WWOX: variants seen among roughly 807,000 people sequenced by gnomAD.
WWOX encodes WW domain-containing oxidoreductase.
WWOX carries 69 observed loss-of-function variants against 46.2 expected under a neutral mutation model. That is an observed-to-expected ratio of 1.49 (90% CI 1.23 to 1.82). The LOEUF is 1.82. Ranked by LOEUF, WWOX falls within the 40% of genes most tolerant of loss-of-function variation. The pLI is 0.00. For missense variants in WWOX, 919 were observed against 542.6 expected, an observed-to-expected ratio of 1.69 and a Z score of -6.89; for synonymous variants, 359 against 202.6, an observed-to-expected ratio of 1.77 and a Z score of -6.56.
intron 5 of WWOX, among the ~76,000 whole-genome samples, chr16:78,272,683 G>A (rs1368197488): frequency 2.0e-5 from 3 of 152,124 alleles, no homozygotes. Flanking sequence ...CAAGCACCTT[G>A]GATAGGCAAT....
intron 8 of WWOX, among the ~76,000 whole-genome samples, chr16:79,116,248 A>G (rs1036285662): frequency 6.6e-6 from 1 of 152,216 alleles, no homozygotes; most frequent in Non-Finnish European, 1.5e-5. Context: ...TCTTAAAATA[A>G]GACAAGGATA....
At chr16:79,176,639 C>G (rs558303867) in intron 8 of WWOX, among the ~76,000 whole-genome samples, 3 of 152,132 alleles carry the variant, frequency 2.0e-5, no homozygotes, top group African/African-American at 7.2e-5. Flanking sequence ...TGTCATTAAA[C>G]TTTGAATCTA....
chr16:79,208,035 C>G (rs1271694575), intron 8 of WWOX, among the ~76,000 whole-genome samples: 1 of 152,176 alleles, frequency 6.6e-6, no homozygotes, highest in Non-Finnish European at 1.5e-5. Flanking sequence ...TCCCACCTTT[C>G]TGTAGTTGAA....
At chr16:79,068,770 C>T (rs1337101485) in intron 8 of WWOX, among the ~76,000 whole-genome samples, 1 of 151,078 alleles carries the variant, frequency 6.6e-6, no homozygotes, top group African/African-American at 2.4e-5. Flanking sequence ...ATGACCTCAC[C>T]ACTGCCCTGC....
At chr16:78,753,167 G>T (rs1008523211) in intron 8 of WWOX, among the ~76,000 whole-genome samples, 1 of 152,122 alleles carries the variant, frequency 6.6e-6, no homozygotes, top group Non-Finnish European at 1.5e-5. Context: ...GGGCGTGGGG[G>T]CAGGCGCCTG....
chr16:78,116,083 T>C (rs753321795), intron 4 of WWOX, among the ~76,000 whole-genome samples: 4 of 152,224 alleles, frequency 2.6e-5, no homozygotes, highest in Non-Finnish European at 4.4e-5. Context: ...GGATGCAATG[T>C]GAAATAGTCA....
chr16:78,428,220 C>T (rs1264522079), intron 7 of WWOX, among the ~76,000 whole-genome samples: 1 of 152,208 alleles, frequency 6.6e-6, no homozygotes, highest in East Asian at 1.9e-4. Context: ...TCTATTAAGA[C>T]ATAATTGTTT....
chr16:78,700,715 T>A (rs915778102), intron 8 of WWOX, among the ~76,000 whole-genome samples: 3 of 152,164 alleles, frequency 2.0e-5, no homozygotes, highest in African/African-American at 7.2e-5. Context: ...GGCCACCTCA[T>A]AGTCTTGTTG....
chr16:78,945,070 C>T (rs2045923526), intron 8 of WWOX, among the ~76,000 whole-genome samples: 1 of 151,988 alleles, frequency 6.6e-6, no homozygotes, highest in Non-Finnish European at 1.5e-5. Context: ...GTCGCAGGTA[C>T]TTGGGAGGCT....
chr16:78,907,213 C>T (rs938609539), intron 8 of WWOX, among the ~76,000 whole-genome samples: 1 of 152,008 alleles, frequency 6.6e-6, no homozygotes. Context: ...AACCCTTGTG[C>T]CCTGAATCCG....
intron 8 of WWOX, among the ~76,000 whole-genome samples, chr16:78,610,354 T>G (rs1356790374): frequency 1.3e-5 from 2 of 152,186 alleles, no homozygotes; most frequent in East Asian, 3.9e-4. Context: ...TCATTACTAT[T>G]CATGTGTAAG....
chr16:78,781,910 A>C (rs2050336021), intron 8 of WWOX, among the ~76,000 whole-genome samples: 1 of 152,236 alleles, frequency 6.6e-6, no homozygotes, highest in South Asian at 2.1e-4. Context: ...AGGTCTTTAC[A>C]TGTAAAAACA....
intron 8 of WWOX, among the ~76,000 whole-genome samples, chr16:78,994,688 T>TG (rs1208162095): frequency 1.3e-5 from 2 of 151,770 alleles, no homozygotes; most frequent in Non-Finnish European, 2.9e-5. Flanking sequence ...TAATAGACAG[T>TG]GGGGGGTGGA....
intron 8 of WWOX, among the ~76,000 whole-genome samples, chr16:78,478,111 G>A (rs2084395702): frequency 6.6e-6 from 1 of 151,320 alleles, no homozygotes; most frequent in Non-Finnish European, 1.5e-5. Context: ...AATGTTTGTA[G>A]TATAGCACAG....
intron 8 of WWOX, among the ~76,000 whole-genome samples, chr16:79,061,944 C>T (rs1326136858): frequency 6.6e-6 from 1 of 152,208 alleles, no homozygotes; most frequent in Non-Finnish European, 1.5e-5. Context: ...GAAAGTGGGA[C>T]TTCAGACGCT....
At position 78,342,576 on chromosome 16, in the gene WWOX, G is replaced by A. The variant is rs1392924965; in HGVS notation, c.517-44284G>A. ...TGTGAGAAGCACATGGGTGTTGGGA[G>A]AGCACTAAAGGTCTCTAGCCCAGAA... On this transcript the variant is annotated intron_variant, in intron 5 of 8. Transcript: ENST00000566780. Among the ~76,000 whole-genome samples, 2 of 120,426 alleles carry A rather than the reference G, an allele frequency of 1.7e-5. 1 individual carries two copies. The highest frequency in any genetic ancestry group is 4.0e-5 in the Non-Finnish European group (2 of 50,486). The allele number at this position is 120,426 out of a possible 152,430, so 79.0% of individuals were successfully genotyped here.
intron 6 of WWOX, among the ~76,000 whole-genome samples, chr16:78,405,632 A>G (rs1382713122): frequency 1.3e-5 from 2 of 152,216 alleles, no homozygotes; most frequent in Non-Finnish European, 2.9e-5. Context: ...TGTGTTTTTT[A>G]TCTCTCAATG....
intron 8 of WWOX, among the ~76,000 whole-genome samples, chr16:78,494,446 A>G (rs891293786): frequency 4.0e-5 from 6 of 151,062 alleles, no homozygotes; most frequent in East Asian, 4.0e-4. Context: ...TTCCTTTTGC[A>G]TTTTGGATGG....
At chr16:78,609,522 T>A (rs879603329) in intron 8 of WWOX, among the ~76,000 whole-genome samples, 1 of 152,042 alleles carries the variant, frequency 6.6e-6, no homozygotes. Context: ...TCTGAGGTTT[T>A]TTTTTTTCTT....
Sources: allele counts gnomAD v4.1 joint callset (sites outside exome capture counted in the v4.1 genomes callset), GRCh38; gene constraint gnomAD v4.1.1; transcripts MANE v1.5; gene names NCBI Gene and HGNC (gene_info 2026-07-23, HGNC 2026-07-21).